Variants in DPP10 observed in about 807,000 individuals in gnomAD.
DPP10 encodes the protein dipeptidyl peptidase like 10, also known as inactive dipeptidyl peptidase 10.
In DPP10, 33 loss-of-function variants were observed where a neutral mutation model predicts 120.9. That is an observed-to-expected ratio of 0.27 (90% CI 0.21 to 0.37). DPP10 has a LOEUF of 0.37. DPP10 is among the 10% of genes least tolerant of loss of function. The probability of loss-of-function intolerance (pLI) is 1.00; values close to 1 mark genes in which losing one functional copy is unlikely to be tolerated. For synonymous variants in DPP10, 337 were observed against 326.1 expected (o/e 1.03, Z -0.36); for missense variants, 816 against 942.8 (o/e 0.87, Z 1.76).
At chr2:115,464,606 C>A (rs1235306602) in intron 3 of DPP10, among the ~76,000 whole-genome samples, 1 of 152,038 alleles carries the variant, frequency 6.6e-6, no homozygotes, top group African/African-American at 2.4e-5. Context: ...CTCCTCAGGC[C>A]CAGAGATGCC....
chr2:114,545,804 C>T (rs188144914), intron 1 of DPP10, among the ~76,000 whole-genome samples: 5 of 152,266 alleles, frequency 3.3e-5, no homozygotes, highest in African/African-American at 1.2e-4. Flanking sequence ...TTGGTTTTAC[C>T]TGCAAGAAAA....
chr2:115,293,254 GC>G (rs2060736829), intron 1 of DPP10, among the ~76,000 whole-genome samples: 1 of 152,128 alleles, frequency 6.6e-6, no homozygotes, highest in African/African-American at 2.4e-5. Context: ...TCCAGAAGTT[GC>G]TGAGTGAGTG....
At chr2:115,061,824 T>C (rs13399177) in intron 1 of DPP10, among the ~76,000 whole-genome samples, 2,606 of 152,264 alleles carry the variant, frequency 0.017, 70 homozygotes, top group African/African-American at 0.06. Flanking sequence ...GAGCACAGCA[T>C]GTTGAAGAAG....
chr2:114,778,330 G>A (rs375211098), intron 1 of DPP10, among the ~76,000 whole-genome samples: 1 of 152,074 alleles, frequency 6.6e-6, no homozygotes, highest in African/African-American at 2.4e-5. Flanking sequence ...GCTCATAGCC[G>A]AGACCTGCAC....
At chr2:115,594,246 G>A (rs968784988) in intron 5 of DPP10, among the ~76,000 whole-genome samples, 4 of 152,108 alleles carry the variant, frequency 2.6e-5, no homozygotes, top group African/African-American at 4.8e-5. Context: ...AAATGAAACA[G>A]ATTCTTACTC....
chr2:115,533,513 A>C (rs1188422991), intron 5 of DPP10, among the ~76,000 whole-genome samples: 1 of 152,102 alleles, frequency 6.6e-6, no homozygotes, highest in Non-Finnish European at 1.5e-5. Context: ...TGTAAAATGC[A>C]TCCTGCATGC....
intron 1 of DPP10, among the ~76,000 whole-genome samples, chr2:115,065,217 A>T (rs1706738722): frequency 6.6e-6 from 1 of 152,148 alleles, no homozygotes. Context: ...TTCCTTTATA[A>T]GTCTATCCAT....
At chr2:115,726,448 C>G (rs1196590307) in intron 7 of DPP10, among the ~76,000 whole-genome samples, 1 of 152,086 alleles carries the variant, frequency 6.6e-6, no homozygotes, top group Middle Eastern at 3.2e-3. Flanking sequence ...GAGCCTTATT[C>G]ACATTTTATA....
intron 1 of DPP10, among the ~76,000 whole-genome samples, chr2:114,943,686 T>C (rs1360429329): frequency 6.6e-6 from 1 of 152,236 alleles, no homozygotes; most frequent in African/African-American, 2.4e-5. Flanking sequence ...GTCTTTATAG[T>C]AAAATGATTT....
At chr2:114,936,201 A>G (rs997438932) in intron 1 of DPP10, among the ~76,000 whole-genome samples, 2 of 151,964 alleles carry the variant, frequency 1.3e-5, no homozygotes, top group African/African-American at 4.8e-5. Context: ...TTGCTTCCTC[A>G]TAGCTTAGCT....
intron 7 of DPP10, among the ~76,000 whole-genome samples, chr2:115,712,540 T>TTTTATTTATATATATATATATATATA (rs778592374): frequency 1.4e-3 from 26 of 18,074 alleles, no homozygotes; most frequent in African/African-American, 3.0e-3. Flanking sequence ...GAGTCCTGAA[T>TTTTATTTATATATATATATATATATA]TAAATATATA....
chr2:114,486,217 T>G (rs916016993), intron 1 of DPP10, among the ~76,000 whole-genome samples: 2 of 152,102 alleles, frequency 1.3e-5, no homozygotes, highest in African/African-American at 4.8e-5. Context: ...TGAGTGCGTG[T>G]GATGTTGATA....
chr2:115,613,998 C>T (rs1221991680), intron 5 of DPP10, among the ~76,000 whole-genome samples: 2 of 152,118 alleles, frequency 1.3e-5, no homozygotes, highest in Non-Finnish European at 2.9e-5. Context: ...ATCCCAAAGG[C>T]ATTAATTACC....
At chr2:115,257,011 A>G (rs1287637532) in intron 1 of DPP10, among the ~76,000 whole-genome samples, 1 of 152,186 alleles carries the variant, frequency 6.6e-6, no homozygotes, top group Non-Finnish European at 1.5e-5. Context: ...AAGGCACAAC[A>G]TGTATGACCT....
At chr2:114,961,473 G>A (rs755626425) in intron 1 of DPP10, among the ~76,000 whole-genome samples, 23 of 149,716 alleles carry the variant, frequency 1.5e-4, no homozygotes, top group Middle Eastern at 3.4e-3. Context: ...GTGTGTGTGC[G>A]CGCGCACATT....
At position 115,648,206 on chromosome 2, in the gene DPP10, T is replaced by C. The variant is rs374476472; in HGVS notation, c.442-41481T>C. ...AATCCTCTATATGGGAAATATATGT[T>C]TTTAAAAACTGAACTCATAGAAGCA... On this transcript the variant is annotated intron_variant, in intron 5 of 25. Coordinates refer to ENST00000410059, the MANE Select transcript of DPP10 (RefSeq NM_020868.6). 1.2e-4 allele frequency among the ~76,000 whole-genome samples: 18 copies of C among 152,142 alleles called. No homozygotes were observed. The East Asian group carries it at 2.9e-3, about 25-fold the overall frequency.
chr2:114,701,883 C>A (rs1456573063), intron 1 of DPP10, among the ~76,000 whole-genome samples: 3 of 152,022 alleles, frequency 2.0e-5, no homozygotes, highest in East Asian at 1.9e-4. Context: ...AAGCTAGCTA[C>A]AAATGAAAAA....
chr2:115,568,269 G>A (rs764918272), intron 5 of DPP10, among the ~76,000 whole-genome samples: 1 of 152,030 alleles, frequency 6.6e-6, no homozygotes, highest in Admixed American at 6.6e-5. Context: ...CAGATCACGA[G>A]GTCAAGAGAT....
At chr2:114,697,170 G>T (rs559689785) in intron 1 of DPP10, among the ~76,000 whole-genome samples, 2 of 151,996 alleles carry the variant, frequency 1.3e-5, no homozygotes, top group South Asian at 4.2e-4. Context: ...TAGAATATCT[G>T]GGTTACAACC....
Sources: allele counts gnomAD v4.1 joint callset (sites outside exome capture counted in the v4.1 genomes callset), GRCh38; gene constraint gnomAD v4.1.1; transcripts MANE v1.5; gene names NCBI Gene and HGNC (gene_info 2026-07-23, HGNC 2026-07-21).